WSCD2: variants seen among roughly 807,000 people sequenced by gnomAD.
WSCD2 encodes the protein sialate:O-sulfotransferase 2.
A neutral mutation model predicts 55.7 loss-of-function variants in WSCD2; 28 were observed. That is an observed-to-expected ratio of 0.50 (90% CI 0.37 to 0.69). The LOEUF is 0.69. WSCD2 is among the 30% of genes least tolerant of loss of function. The probability of loss-of-function intolerance (pLI) is 0.00; values close to 1 mark genes in which losing one functional copy is unlikely to be tolerated. For synonymous variants in WSCD2, 301 were observed against 301.9 expected (o/e 1.00, Z 0.03); for missense variants, 616 against 762.1 (o/e 0.81, Z 2.26).
At chr12:108,136,877 C>T (rs1876281195) in intron 1 of WSCD2, among the ~76,000 whole-genome samples, 2 of 152,166 alleles carry the variant, frequency 1.3e-5, no homozygotes, top group African/African-American at 4.8e-5. Flanking sequence ...CAGGTCCATC[C>T]CCACAGGCCT....
intron 2 of WSCD2, among the ~76,000 whole-genome samples, chr12:108,199,450 A>T (rs550122791): frequency 6.6e-6 from 1 of 152,204 alleles, no homozygotes; most frequent in African/African-American, 2.4e-5. Flanking sequence ...CTCTAGGTTC[A>T]CATGGCCATG....
chr12:108,146,128 C>T (rs1013966215), intron 1 of WSCD2, among the ~76,000 whole-genome samples: 1 of 152,226 alleles, frequency 6.6e-6, no homozygotes, highest in Non-Finnish European at 1.5e-5. Context: ...GCAAACTGCA[C>T]ATCATTGTAC....
At chr12:108,149,542 A>G (rs904825992) in intron 1 of WSCD2, among the ~76,000 whole-genome samples, 1 of 152,178 alleles carries the variant, frequency 6.6e-6, no homozygotes, top group Admixed American at 6.5e-5. Flanking sequence ...CCCACTTGAC[A>G]GATGAGGAAG....
chr12:108,228,770 G>T (rs1565986853), intron 6 of WSCD2, among the ~76,000 whole-genome samples: 1 of 152,180 alleles, frequency 6.6e-6, no homozygotes, highest in Non-Finnish European at 1.5e-5. Context: ...TGACTGATGG[G>T]GTACCAGTGG....
intron 1 of WSCD2, among the ~76,000 whole-genome samples, chr12:108,145,080 T>A (rs1877246903): frequency 6.6e-6 from 1 of 152,224 alleles, no homozygotes; most frequent in African/African-American, 2.4e-5. Context: ...ACTTACTATG[T>A]CATCTCAGGA....
chr12:108,224,958 G>T lies in WSCD2; in HGVS notation c.804+98G>T. On this transcript the variant is annotated intron_variant, in intron 5 of 8. Coordinates refer to ENST00000547525, the MANE Select transcript of WSCD2 (RefSeq NM_014653.4). ...TGGCTGGAGAAGCAACAGCTCAGTCGGGATAGATGTAGTCGTTGACTGGGA... is the reference window on the plus strand; with the variant it reads ...TGGCTGGAGAAGCAACAGCTCAGTCTGGATAGATGTAGTCGTTGACTGGGA... 2.0e-6 allele frequency: 3 copies of T among 1,505,218 alleles called. No homozygotes were observed. The East Asian group carries it at 6.9e-5, about 34-fold the overall frequency. The allele number at this position is 1,505,218 out of a possible 1,614,324, so 93.2% of individuals were successfully genotyped here. A position where few individuals can be genotyped will look rare whatever the true frequency, so the allele number is the denominator to read the frequency against.
intron 2 of WSCD2, among the ~76,000 whole-genome samples, chr12:108,205,615 C>T (rs2137082248): frequency 6.6e-6 from 1 of 152,304 alleles, no homozygotes; most frequent in South Asian, 2.1e-4. Context: ...TAGAGGCAAA[C>T]TGTAAAGTAC....
Position 108,248,945 on chromosome 12 carries a change from T to G in WSCD2, c.*602T>G. 1.0e-6 allele frequency: 1 copy of G among 982,040 alleles called. No homozygotes were observed. The allele number at this position is 982,040 out of a possible 1,614,324, so 60.8% of individuals were successfully genotyped here. A position where few individuals can be genotyped will look rare whatever the true frequency, so the allele number is the denominator to read the frequency against. Reference sequence around the variant, plus strand: ...GGAGGTAATGGTGCTCACAGTAGGTTAATTGGAGACACCATGTGGGGCCAT... The same window carrying G: ...GGAGGTAATGGTGCTCACAGTAGGTGAATTGGAGACACCATGTGGGGCCAT... On this transcript the variant is annotated 3_prime_UTR_variant, in exon 9 of 9. Transcript: ENST00000547525. This position sits in a 1 kb window ranked among gnomAD's most constrained non-coding sequence, Gnocchi z 4.3.
At chr12:108,160,993 G>A (rs758409639) in intron 1 of WSCD2, among the ~76,000 whole-genome samples, 1 of 152,198 alleles carries the variant, frequency 6.6e-6, no homozygotes, top group Non-Finnish European at 1.5e-5. Context: ...TTATTGGGAT[G>A]ATAGATGAAA....
chr12:108,130,822 A>T (rs544428626), intron 1 of WSCD2, among the ~76,000 whole-genome samples: 5 of 152,220 alleles, frequency 3.3e-5, no homozygotes, highest in East Asian at 1.9e-4. Context: ...GCCTCCTGAC[A>T]TTCTCATCCC....
chr12:108,243,567 T>C (rs1889904957), intron 8 of WSCD2, among the ~76,000 whole-genome samples: 1 of 152,200 alleles, frequency 6.6e-6, no homozygotes, highest in Admixed American at 6.5e-5. Flanking sequence ...CTCCAGGTGA[T>C]ACCGATGAGC....
At chr12:108,192,445 C>G (rs1883305479) in intron 1 of WSCD2, among the ~76,000 whole-genome samples, 1 of 152,144 alleles carries the variant, frequency 6.6e-6, no homozygotes, top group Admixed American at 6.5e-5. Flanking sequence ...GGGCTGGTGT[C>G]CCCTTGCCCA....
chr12:108,196,105 C>G lies in WSCD2; in HGVS notation c.273C>G (p.Pro91=). Residue 91 remains proline (P), a synonymous_variant, in exon 2 of 9, where the codon CCC becomes CCG. Transcript: ENST00000547525. ...EASSIARRYG[P]WFKGKDGNER... ...CAAGCATTGCTCGCAGGTACGGACC[C>G]TGGTTCAAGGGCAAGGATGGGAATG... The G allele has an allele frequency of 6.2e-7, 1 of 1,614,160 alleles. No individual in the cohort carries two copies. The highest frequency in any genetic ancestry group is 8.5e-7 in the Non-Finnish European group (1 of 1,180,032).
chr12:108,197,744 G>C (rs553004863), intron 2 of WSCD2, among the ~76,000 whole-genome samples: 42 of 152,022 alleles, frequency 2.8e-4, no homozygotes, highest in African/African-American at 8.7e-4. Flanking sequence ...GTCCTCACCA[G>C]CCAGCACCTT....
intron 8 of WSCD2, among the ~76,000 whole-genome samples, chr12:108,247,649 G>A (rs903838695): frequency 6.6e-6 from 1 of 152,088 alleles, no homozygotes; most frequent in African/African-American, 2.4e-5. Context: ...TCGACCTCCT[G>A]GGCTCAAACA....
chr12:108,160,836 C>T (rs185526813), intron 1 of WSCD2, among the ~76,000 whole-genome samples: 2 of 152,286 alleles, frequency 1.3e-5, no homozygotes, highest in East Asian at 3.9e-4. Context: ...TTGTCAAGAG[C>T]ACAAACTCAG....
chr12:108,187,066 TAA>T (rs1483198622), intron 1 of WSCD2, among the ~76,000 whole-genome samples: 2 of 152,220 alleles, frequency 1.3e-5, no homozygotes, highest in African/African-American at 4.8e-5. Context: ...GTCCATAGTC[TAA>T]GTGATCAGCA....
In WSCD2 at chr12:108,248,585, G is replaced by T. The variant is rs1890250535; in HGVS notation, c.*242G>T. On this transcript the variant is annotated 3_prime_UTR_variant, in exon 9 of 9. Coordinates refer to ENST00000547525, the MANE Select transcript of WSCD2 (RefSeq NM_014653.4). This position sits in a 1 kb window ranked among gnomAD's most constrained non-coding sequence, Gnocchi z 4.3. ...GCAATGTGGGGCATCTTGTTTAGGG[G>T]GTTCTAGTTACATGGACTCTTTTCT... The T allele has an allele frequency of 7.6e-7, 1 of 1,309,990 alleles. No homozygotes were observed. Among genetic ancestry groups the T allele is most frequent in the Non-Finnish European group, 9.7e-7 (1 of 1,026,704 alleles). The allele number at this position is 1,309,990 out of a possible 1,614,324, so 81.1% of individuals were successfully genotyped here. A position where few individuals can be genotyped will look rare whatever the true frequency, so the allele number is the denominator to read the frequency against.
At chr12:108,244,555 G>C (rs371292395) in intron 8 of WSCD2, 2 of 702,670 alleles carry the variant, frequency 2.8e-6, no homozygotes, top group African/African-American at 3.5e-5. Context: ...ATCTTATTTC[G>C]CTCGATTTGC....
Sources: allele counts gnomAD v4.1 joint callset (sites outside exome capture counted in the v4.1 genomes callset), GRCh38; gene constraint gnomAD v4.1.1; non-coding constraint Gnocchi (gnomAD v3.1); transcripts MANE v1.5; gene names NCBI Gene and HGNC (gene_info 2026-07-23, HGNC 2026-07-21).